PPP2R2C: variants seen among roughly 807,000 people sequenced by gnomAD.
The protein encoded by PPP2R2C is protein phosphatase 2, regulatory subunit B, gamma.
Under a neutral mutation model 45.3 loss-of-function variants are expected in PPP2R2C, and 10 were observed. That is an observed-to-expected ratio of 0.22 (90% CI 0.14 to 0.37). PPP2R2C has a LOEUF of 0.37. Ranked by LOEUF, PPP2R2C falls within the 10% of genes least tolerant of loss-of-function variation. The pLI is 1.00. For synonymous variants in PPP2R2C, 257 were observed against 245.4 expected (o/e 1.05, Z -0.44); for missense variants, 308 against 619.7 (o/e 0.50, Z 5.34).
At chr4:6,367,103 C>T (rs1310602657) in intron 5 of PPP2R2C, among the ~76,000 whole-genome samples, 1 of 152,064 alleles carries the variant, frequency 6.6e-6, no homozygotes, top group Non-Finnish European at 1.5e-5. Flanking sequence ...TTGGTGACTA[C>T]ACCGAGACAG....
rs1178855981 is a variant in PPP2R2C at position 6,512,509 on chromosome 4, ATGTTGGTGG to A, written c.49+22753_49+22761del. 1.9e-3 allele frequency among the ~76,000 whole-genome samples: 83 copies of A among 42,726 alleles called. 2 individuals carry two copies. Among genetic ancestry groups the A allele is most frequent in the Middle Eastern group, 0.017 (1 of 58 alleles). 28.0% of individuals were successfully genotyped at this position (42,726 alleles called of 152,430 possible). The stretch of plus-strand genomic sequence containing the variant: ...GATGGTGATGGTGGTGGTGGTGGTG[ATGTTGGTGG>A]TGGTGGTGGTGATGGTGATGGTGGT... On this transcript the variant is annotated intron_variant, in intron 2 of 9. Transcript: ENST00000506140.
At chr4:6,431,922 G>A (rs1719645175) in intron 1 of PPP2R2C, among the ~76,000 whole-genome samples, 1 of 152,126 alleles carries the variant, frequency 6.6e-6, no homozygotes, top group Non-Finnish European at 1.5e-5. Context: ...AGGTGTAGAA[G>A]CTTCAGTGTC....
At position 6,402,021 on chromosome 4, in the gene PPP2R2C, A is replaced by G. The variant is rs145665499; in HGVS notation, c.71-20927T>C. ...TTGCTCAACCTCTCTGTGCTTTGGC[A>G]TCCTCATCTGCGCATTGAGGTTAAT... On this transcript the variant is annotated intron_variant, in intron 1 of 8. Coordinates refer to ENST00000382599, the MANE Select transcript of PPP2R2C (RefSeq NM_020416.4). Among the ~76,000 whole-genome samples the G allele has an allele frequency of 1.9e-3, 297 of 152,336 alleles. 6 individuals are homozygous for G. Among genetic ancestry groups the G allele is most frequent in the East Asian group, 5.0e-3 (26 of 5,184 alleles).
chr4:6,524,724 G>C (rs755487553), intron 2 of PPP2R2C, among the ~76,000 whole-genome samples: 9 of 152,178 alleles, frequency 5.9e-5, no homozygotes, highest in Non-Finnish European at 8.8e-5. Context: ...CACAAACTAA[G>C]TTAGGTTGCA....
intron 5 of PPP2R2C, among the ~76,000 whole-genome samples, chr4:6,367,471 C>T (rs897708800): frequency 3.3e-5 from 5 of 152,120 alleles, no homozygotes; most frequent in African/African-American, 9.7e-5. Context: ...CTGGGTTTTT[C>T]TTGTCAGGAC....
At chr4:6,496,451 T>C (rs1302607118) in intron 2 of PPP2R2C, among the ~76,000 whole-genome samples, 1 of 152,116 alleles carries the variant, frequency 6.6e-6, no homozygotes, top group East Asian at 1.9e-4. Context: ...AACACCCACC[T>C]ACAATCAACA....
chr4:6,350,185 C>G (rs754751980), intron 5 of PPP2R2C: 1 of 985,324 alleles, frequency 1.0e-6, no homozygotes, highest in South Asian at 4.7e-5. Context: ...ATACTGAAGG[C>G]CAAGCAAGAA....
intron 2 of PPP2R2C, among the ~76,000 whole-genome samples, chr4:6,498,818 A>C (rs916485501): frequency 9.9e-5 from 15 of 152,136 alleles, no homozygotes; most frequent in African/African-American, 3.6e-4. Context: ...TCAAGCCTTG[A>C]ACATTGCCAT....
At chr4:6,475,465 A>C (rs1044012824), upstream of PPP2R2C, among the ~76,000 whole-genome samples, 2 of 152,014 alleles carry the variant, frequency 1.3e-5, no homozygotes, top group Non-Finnish European at 2.9e-5. Context: ...GTACAGCTAC[A>C]CTCGCCATCT....
At chr4:6,551,361 G>A (rs980491631) in intron 1 of PPP2R2C, among the ~76,000 whole-genome samples, 1 of 152,192 alleles carries the variant, frequency 6.6e-6, no homozygotes, top group African/African-American at 2.4e-5. Flanking sequence ...CAAACACGTG[G>A]CATGGAGAAC....
chr4:6,355,904 G>C (rs927563484), intron 5 of PPP2R2C, among the ~76,000 whole-genome samples: 3 of 148,928 alleles, frequency 2.0e-5, no homozygotes, highest in African/African-American at 7.4e-5. Context: ...TGAGGCAGGA[G>C]AATCACTTGA....
chr4:6,420,601 T>G (rs1718895584), intron 1 of PPP2R2C, among the ~76,000 whole-genome samples: 1 of 152,142 alleles, frequency 6.6e-6, no homozygotes, highest in African/African-American at 2.4e-5. Context: ...TGCTTAGGTC[T>G]GGAAAGGGAA....
Position 6,332,151 on chromosome 4 carries a change from T to C in PPP2R2C, c.960+1411A>G, listed in dbSNP as rs73073196. ...GTAGTTTCAGGGGTTCATGGGCCTT[T>C]GCTGACCTCAGGGATGGAGGTAAGT... is the stretch of plus-strand genomic sequence containing the variant. On this transcript the variant is annotated intron_variant, in intron 7 of 8. Coordinates refer to ENST00000382599, the MANE Select transcript of PPP2R2C (RefSeq NM_020416.4). The surrounding 1 kb of genome is among the most constrained non-coding windows in gnomAD (Gnocchi z 4.9). Among the ~76,000 whole-genome samples the C allele has an allele frequency of 0.053, 8,094 of 152,174 alleles. 732 individuals carry two copies. Among genetic ancestry groups the C allele is most frequent in the African/African-American group, 0.18 (7,523 of 41,480 alleles).
chr4:6,335,832 C>T (rs928344151), intron 6 of PPP2R2C, among the ~76,000 whole-genome samples: 3 of 152,082 alleles, frequency 2.0e-5, no homozygotes, highest in Non-Finnish European at 4.4e-5. Flanking sequence ...CAAATCAGAG[C>T]AGGCAGCAGG....
chr4:6,360,735 A>G lies in PPP2R2C; in HGVS notation c.625+11788T>C, dbSNP rs562469052. Among the ~76,000 whole-genome samples, 7 of 152,368 alleles carry G rather than the reference A, an allele frequency of 4.6e-5. No homozygotes were observed. In the East Asian group the frequency reaches 1.2e-3, roughly 25 times the overall value. On this transcript the variant is annotated intron_variant, in intron 5 of 8. Coordinates refer to ENST00000382599, the MANE Select transcript of PPP2R2C (RefSeq NM_020416.4). ...AAGCACTCAGACCAAGGCATGTCAG[A>G]TCCTACAGGAGGATTCCTGGCTGCC...
At chr4:6,547,544 G>A (rs1170332718) in intron 1 of PPP2R2C, among the ~76,000 whole-genome samples, 1 of 152,052 alleles carries the variant, frequency 6.6e-6, no homozygotes, top group Non-Finnish European at 1.5e-5. Flanking sequence ...AAGAAAAACA[G>A]GCCTGAGGCT....
chr4:6,335,516 G>C lies in PPP2R2C; in HGVS notation c.791-1785C>G, dbSNP rs142595508. 4.4e-3 allele frequency among the ~76,000 whole-genome samples: 674 copies of C among 152,272 alleles called. 4 individuals are homozygous for C. The highest frequency in any genetic ancestry group is 0.01 in the Middle Eastern group (3 of 294). The stretch of plus-strand genomic sequence containing the variant: ...AGGGGCCACCCACGCAGGATCTCAT[G>C]GGCCACGGAGAGGGGTGAGGAAGTC... On this transcript the variant is annotated intron_variant, in intron 6 of 8. Coordinates refer to ENST00000382599, the MANE Select transcript of PPP2R2C (RefSeq NM_020416.4).
chr4:6,465,134 G>A lies in PPP2R2C; in HGVS notation c.70+7026C>T, dbSNP rs540983605. ...TGGGATTACACAGAAAAGACTGGCC[G>A]CAAGACAGGAATAAAAAAATCTGCT... On this transcript the variant is annotated intron_variant, in intron 1 of 8. Coordinates refer to ENST00000382599, the MANE Select transcript of PPP2R2C (RefSeq NM_020416.4). Among the ~76,000 whole-genome samples the A allele has an allele frequency of 7.9e-5, 12 of 151,974 alleles. No individual in the cohort carries two copies. The East Asian group carries it at 2.1e-3, about 27-fold the overall frequency.
intron 1 of PPP2R2C, among the ~76,000 whole-genome samples, chr4:6,405,842 G>A (rs530465595): frequency 6.6e-6 from 1 of 152,292 alleles, no homozygotes; most frequent in South Asian, 2.1e-4. Context: ...GCTTCGCGGA[G>A]GGGCAGGGGG....
Sources: gnomAD v4.1 joint callset for allele counts (sites outside exome capture counted in the v4.1 genomes callset) on GRCh38, gnomAD v4.1.1 for gene constraint, Gnocchi (gnomAD v3.1) non-coding constraint, MANE v1.5 for transcripts, NCBI Gene and HGNC (gene_info 2026-07-23, HGNC 2026-07-21) for gene names.